FAM13B: variants seen among roughly 807,000 people sequenced by gnomAD.
The protein encoded by FAM13B is family with sequence similarity 13 member B.
FAM13B carries 60 observed loss-of-function variants against 117.3 expected under a neutral mutation model. That is an observed-to-expected ratio of 0.51 (90% CI 0.42 to 0.63). FAM13B has a LOEUF of 0.63. Ranked by LOEUF, FAM13B falls within the 30% of genes least tolerant of loss-of-function variation. The pLI is 0.00. For missense variants in FAM13B, 972 were observed against 1,091.9 expected, an observed-to-expected ratio of 0.89 and a Z score of 1.55; for synonymous variants, 332 against 356.1, an observed-to-expected ratio of 0.93 and a Z score of 0.76.
In FAM13B at chr5:137,952,693, A is replaced by G. The variant is rs747161015; in HGVS notation, c.1865T>C (p.Ile622Thr). 3.1e-6 allele frequency: 5 copies of G among 1,605,096 alleles called. No individual in the cohort carries two copies. The African/African-American group carries it at 4.0e-5, about 13-fold the overall frequency. The change falls in exon 17 of 24, where the codon ATT (isoleucine) becomes ACT (threonine). Residue 622 changes from isoleucine to threonine, a missense_variant. Ile to Thr is a moderately conservative substitution (Grantham distance 89, BLOSUM62 -1). Transcript: ENST00000689681. ...TTTTAATACCTTTGGATTGGCAGCA[A>G]TATCACTGTAGGAGGGCTGAAAAAT... is the stretch of plus-strand genomic sequence containing the variant. ...ERNSKPSYSD[I>T]AANPKVLKWM...
chr5:137,941,850 C>A, intron 23 of FAM13B, 94 bp downstream of exon 23: 1 of 1,073,698 alleles, frequency 9.3e-7, no homozygotes, highest in Non-Finnish European at 1.4e-6. Context: ...CCTATATGCA[C>A]AATTTCTAAT....
chr5:137,969,305 T>G (rs1009370455), intron 10 of FAM13B, among the ~76,000 whole-genome samples: 2 of 152,216 alleles, frequency 1.3e-5, no homozygotes, highest in Non-Finnish European at 2.9e-5. Flanking sequence ...CCCTGACCCT[T>G]GACCCCCAAG....
chr5:137,991,267 T>G (rs1778542208), intron 7 of FAM13B, among the ~76,000 whole-genome samples: 1 of 152,232 alleles, frequency 6.6e-6, no homozygotes, highest in African/African-American at 2.4e-5. Flanking sequence ...ATAAATACAA[T>G]GGACTGTTGT....
chr5:137,997,142 T>TAAAAATTCC (rs1780064550), intron 7 of FAM13B, among the ~76,000 whole-genome samples: 1 of 152,152 alleles, frequency 6.6e-6, no homozygotes, highest in African/African-American at 2.4e-5. Flanking sequence ...TTTTTAAAGG[T>TAAAAATTCC]AAAAATTCCC....
intron 19 of FAM13B, 24 bp downstream of exon 19, chr5:137,946,204 T>C: frequency 6.4e-7 from 1 of 1,553,954 alleles, no homozygotes; most frequent in Non-Finnish European, 8.7e-7. Flanking sequence ...TAAAATCAAA[T>C]CTTTTTAGCA....
intron 4 of FAM13B, 25 bp from the exon 5 acceptor site, chr5:138,011,970 T>C (rs768844787): frequency 1.5e-5 from 22 of 1,515,978 alleles, no homozygotes; most frequent in Non-Finnish European, 1.9e-5. Context: ...TAACAGGTTT[T>C]TTTCAATAAA....
chr5:138,037,023 A>G (rs1791231688), upstream of FAM13B: 2 of 181,776 alleles, frequency 1.1e-5, no homozygotes, highest in South Asian at 2.1e-4. Context: ...TCTGTTTGTT[A>G]CAGAGATGAG....
chr5:138,010,752 G>A (rs906189450), intron 6 of FAM13B, among the ~76,000 whole-genome samples: 1 of 151,458 alleles, frequency 6.6e-6, no homozygotes, highest in Non-Finnish European at 1.5e-5. Flanking sequence ...TAAACAATAG[G>A]AAAAGAAACA....
rs57478594 is a variant in FAM13B at position 137,975,980 on chromosome 5, C to CTTTTTTTT, written c.1179+9269_1179+9276dup. 1.5e-3 allele frequency among the ~76,000 whole-genome samples: 163 copies of CTTTTTTTT among 110,172 alleles called. 7 individuals carry two copies. The highest frequency in any genetic ancestry group is 5.4e-3 in the African/African-American group (146 of 27,070). The allele number at this position is 110,172 out of a possible 152,430, so 72.3% of individuals were successfully genotyped here. The stretch of plus-strand genomic sequence containing the variant: ...CCACAACCAGACTGCTCAACTCTTC[C>CTTTTTTTT]TTTTTTTTTTTTTTTGAGACAGTCT... On this transcript the variant is annotated intron_variant, in intron 10 of 23. Transcript: ENST00000689681.
intron 11 of FAM13B, among the ~76,000 whole-genome samples, 190 bp from the exon 12 acceptor site, chr5:137,960,404 C>A (rs947592223): frequency 2.6e-5 from 4 of 152,008 alleles, no homozygotes; most frequent in Non-Finnish European, 4.4e-5. Flanking sequence ...CTGAAAAGAT[C>A]CACAGAATCA....
intron 1 of FAM13B, among the ~76,000 whole-genome samples, chr5:138,046,999 C>T (rs1245813305): frequency 6.6e-6 from 1 of 151,962 alleles, no homozygotes; most frequent in African/African-American, 2.4e-5. Context: ...CTGCCTCGGC[C>T]TCCCAAAGGG....
intron 2 of FAM13B, 49 bp from the exon 3 acceptor site, chr5:138,019,195 C>T: frequency 6.6e-7 from 1 of 1,514,250 alleles, no homozygotes. Flanking sequence ...TAACAGGTGG[C>T]AATATGACTA....
At chr5:138,007,699 AC>A (rs1782899538) in intron 6 of FAM13B, among the ~76,000 whole-genome samples, 1 of 146,764 alleles carries the variant, frequency 6.8e-6, no homozygotes, top group African/African-American at 2.5e-5. Context: ...TCATATTTTG[AC>A]CAGTAAGCAC....
At chr5:137,952,462 T>C (rs1007452434) in intron 17 of FAM13B, among the ~76,000 whole-genome samples, 166 bp downstream of exon 17, 37 of 152,190 alleles carry the variant, frequency 2.4e-4, no homozygotes, top group African/African-American at 8.7e-4. Context: ...AACACAGTAC[T>C]ACAGTATGCA....
intron 20 of FAM13B, among the ~76,000 whole-genome samples, chr5:137,944,125 G>GC (rs1762707862): frequency 6.6e-6 from 1 of 152,110 alleles, no homozygotes; most frequent in South Asian, 2.1e-4. Flanking sequence ...TATAATATGT[G>GC]CCCCTTTGTG....
intron 2 of FAM13B, among the ~76,000 whole-genome samples, chr5:138,020,242 T>C (rs1786358387): frequency 6.6e-6 from 1 of 152,122 alleles, no homozygotes; most frequent in African/African-American, 2.4e-5. Flanking sequence ...GTATTTTTAG[T>C]AGAGACGGGG....
upstream of FAM13B, chr5:138,037,343 G>A (rs533126750): frequency 6.6e-6 from 1 of 151,864 alleles, no homozygotes; most frequent in East Asian, 1.9e-4. Flanking sequence ...CTGAACAGAG[G>A]CATTATGCCT....
chr5:137,947,914 A>G (rs1763888200), intron 18 of FAM13B, among the ~76,000 whole-genome samples: 1 of 152,078 alleles, frequency 6.6e-6, no homozygotes, highest in African/African-American at 2.4e-5. Context: ...GCAAAAGAAA[A>G]GTTAAGAGGG....
intron 10 of FAM13B, among the ~76,000 whole-genome samples, chr5:137,982,470 T>C (rs944164465): frequency 6.6e-6 from 1 of 152,040 alleles, no homozygotes; most frequent in African/African-American, 2.4e-5. Context: ...TGTGGTGAGC[T>C]GAGATTGTGC....
Sources: allele counts gnomAD v4.1 joint callset (sites outside exome capture counted in the v4.1 genomes callset), GRCh38; gene constraint gnomAD v4.1.1; transcripts MANE v1.5; gene names NCBI Gene and HGNC (gene_info 2026-07-23, HGNC 2026-07-21).